ARSB: variants seen among roughly 807,000 people sequenced by gnomAD.
The protein encoded by ARSB is N-acetylgalactosamine-4-sulfatase.
In ARSB, 41 loss-of-function variants were observed where a neutral mutation model predicts 50.9. That is an observed-to-expected ratio of 0.81 (90% CI 0.63 to 1.04). The LOEUF is 1.04. Ranked by LOEUF, ARSB falls within the 50% of genes least tolerant of loss-of-function variation. ARSB has a pLI of 0.00. For synonymous variants in ARSB, 269 were observed against 284.8 expected (o/e 0.94, Z 0.56); for missense variants, 672 against 693.3 (o/e 0.97, Z 0.35).
intron 6 of ARSB, among the ~76,000 whole-genome samples, chr5:78,804,597 C>CTA (rs1743501994): frequency 6.6e-6 from 1 of 152,228 alleles, no homozygotes. Flanking sequence ...ATAATTAAGA[C>CTA]ACTAAAACTA....
chr5:78,885,783 G>T lies in ARSB; in HGVS notation c.943C>A (p.Arg315=), dbSNP rs891298440. The T allele has an allele frequency of 1.3e-5, 21 of 1,613,950 alleles. No individual in the cohort carries two copies. Among genetic ancestry groups the T allele is most frequent in the Non-Finnish European group, 1.6e-5 (19 of 1,180,026 alleles). The change falls in exon 5 of 8, where the codon CGA becomes AGA. Residue 315 remains arginine (R), a synonymous_variant. Transcript: ENST00000264914. ...TCCCACAGGCTCCATTTTCTTCCTC[G>T]AAGGGGCCAGTTATTACCCCCTGCC... ...TLAGGNNWPL[R]GRKWSLWEGG... is the part of the protein sequence containing the mutation.
rs761491971 is a variant in ARSB at position 78,985,120 on chromosome 5, C to T, written c.129G>A (p.Arg43=). The T allele has an allele frequency of 3.4e-6, 5 of 1,481,570 alleles. No homozygotes were observed. In the Admixed American group the frequency reaches 6.8e-5, roughly 20 times the overall value. The allele number at this position is 1,481,570 out of a possible 1,614,324, so 91.8% of individuals were successfully genotyped here. The change falls in exon 1 of 8, where the codon CGG becomes CGA. Residue 43 remains arginine (R), a synonymous_variant. Coordinates refer to ENST00000264914, the MANE Select transcript of ARSB (RefSeq NM_000046.5). ...CCAGCAAGAAGACCAGGTGGGGCGGCCGGCTGGCCCCGGCGCCCGAGCCCG... is the reference window on the plus strand; with the variant it reads ...CCAGCAAGAAGACCAGGTGGGGCGGTCGGCTGGCCCCGGCGCCCGAGCCCG... ...APPGSGAGAS[R]PPHLVFLLAD...
intron 5 of ARSB, among the ~76,000 whole-genome samples, chr5:78,855,858 G>C (rs1746118836): frequency 1.3e-5 from 2 of 152,116 alleles, no homozygotes; most frequent in Admixed American, 1.3e-4. Flanking sequence ...TTGGGGTTAG[G>C]GTAATGGAGG....
intron 6 of ARSB, among the ~76,000 whole-genome samples, chr5:78,823,576 CT>C (rs1744319523): frequency 6.6e-6 from 1 of 152,154 alleles, no homozygotes; most frequent in South Asian, 2.1e-4. Flanking sequence ...CTACCTGATT[CT>C]TGATTTCCAG....
intron 5 of ARSB, among the ~76,000 whole-genome samples, chr5:78,882,057 T>A (rs962915641): frequency 1.3e-5 from 2 of 152,260 alleles, no homozygotes; most frequent in African/African-American, 4.8e-5. Flanking sequence ...TCTGGATTCT[T>A]CTCGGCCTCT....
intron 5 of ARSB, among the ~76,000 whole-genome samples, chr5:78,876,001 T>C (rs796749732): frequency 2.4e-4 from 36 of 152,280 alleles, no homozygotes; most frequent in African/African-American, 8.7e-4. Context: ...GTAATAGAAA[T>C]ATATTCTTTC....
chr5:78,808,703 G>A (rs1743678984), intron 6 of ARSB, among the ~76,000 whole-genome samples: 1 of 152,170 alleles, frequency 6.6e-6, no homozygotes, highest in Non-Finnish European at 1.5e-5. Context: ...AGCTTCAGAA[G>A]TCCAAATACT....
intron 6 of ARSB, among the ~76,000 whole-genome samples, chr5:78,817,360 T>C (rs1744033437): frequency 1.3e-5 from 2 of 152,288 alleles, no homozygotes; most frequent in South Asian, 4.2e-4. Context: ...TCCTTTATGT[T>C]CCCAGGACCC....
At chr5:78,854,244 A>G (rs1323219811) in intron 5 of ARSB, among the ~76,000 whole-genome samples, 4 of 152,028 alleles carry the variant, frequency 2.6e-5, no homozygotes, top group Admixed American at 2.6e-4. Context: ...TGCTTTCATC[A>G]TTATTTCTTT....
intron 6 of ARSB, among the ~76,000 whole-genome samples, chr5:78,808,213 T>G (rs1439774373): frequency 6.6e-6 from 1 of 152,000 alleles, no homozygotes; most frequent in Non-Finnish European, 1.5e-5. Flanking sequence ...GTGGCCAATT[T>G]TCTTTATCTT....
chr5:78,885,461 T>C, intron 5 of ARSB, 123 bp downstream of exon 5: 1 of 1,427,762 alleles, frequency 7.0e-7, no homozygotes, highest in East Asian at 2.3e-5. Flanking sequence ...TTATTTTTCT[T>C]AAAAATCATG....
At chr5:78,847,010 T>C (rs1178774965) in intron 5 of ARSB, among the ~76,000 whole-genome samples, 1 of 152,236 alleles carries the variant, frequency 6.6e-6, no homozygotes, top group Non-Finnish European at 1.5e-5. Context: ...GAGATGGTCA[T>C]GTGGTTTTTA....
intron 4 of ARSB, among the ~76,000 whole-genome samples, chr5:78,912,090 C>T (rs1270206512): frequency 6.6e-6 from 1 of 152,174 alleles, no homozygotes; most frequent in Non-Finnish European, 1.5e-5. Flanking sequence ...GAAGTCAACA[C>T]AGGCTTTCAT....
At chr5:78,891,044 A>G (rs1389779766) in intron 4 of ARSB, among the ~76,000 whole-genome samples, 2 of 152,216 alleles carry the variant, frequency 1.3e-5, no homozygotes, top group Admixed American at 6.5e-5. Context: ...CTGCTTCTCA[A>G]GAGCAAAAAG....
chr5:78,931,639 T>G (rs980680259), intron 4 of ARSB, among the ~76,000 whole-genome samples: 18 of 151,230 alleles, frequency 1.2e-4, no homozygotes, highest in Admixed American at 1.1e-3. Context: ...ATATGAAATT[T>G]TGTAGAGAGT....
chr5:78,944,481 A>T (rs1481600230), intron 4 of ARSB, among the ~76,000 whole-genome samples: 1 of 152,090 alleles, frequency 6.6e-6, no homozygotes, highest in African/African-American at 2.4e-5. Context: ...TCTGTTTGTT[A>T]GTTTTCCTTC....
chr5:78,851,927 A>T (rs189499141), intron 5 of ARSB, among the ~76,000 whole-genome samples: 19,315 of 151,956 alleles, frequency 0.13, 1,423 homozygotes, highest in Middle Eastern at 0.21. Flanking sequence ...ATCTTCCTCC[A>T]TCCTTTTATT....
intron 6 of ARSB, among the ~76,000 whole-genome samples, chr5:78,804,534 G>C (rs538692538): frequency 6.6e-6 from 1 of 152,186 alleles, no homozygotes; most frequent in Non-Finnish European, 1.5e-5. Context: ...ACACCACTAG[G>C]AGCAAAAGGG....
In ARSB at chr5:78,780,249, AG is replaced by A; in HGVS notation, c.*147del. The A allele has an allele frequency of 1.0e-6, 1 of 996,978 alleles. No homozygotes were observed. The highest frequency in any genetic ancestry group is 1.5e-6 in the Non-Finnish European group (1 of 649,180). The allele number at this position is 996,978 out of a possible 1,614,324, so 61.8% of individuals were successfully genotyped here. On this transcript the variant is annotated 3_prime_UTR_variant, in exon 8 of 8. Transcript: ENST00000264914. ...ATTTTATCAGCTTCTTAAATGCATTAGGGGTTGAAATTAGACACCTCGGTGT... is the reference window on the plus strand; with the variant it reads ...ATTTTATCAGCTTCTTAAATGCATTAGGGTTGAAATTAGACACCTCGGTGT...
Sources: gnomAD v4.1 joint callset for allele counts (sites outside exome capture counted in the v4.1 genomes callset) on GRCh38, gnomAD v4.1.1 for gene constraint, MANE v1.5 for transcripts, NCBI Gene and HGNC (gene_info 2026-07-23, HGNC 2026-07-21) for gene names.